Variants in MYO6 observed in about 807,000 individuals in gnomAD.
MYO6 encodes unconventional myosin-VI.
Under a neutral mutation model 178.7 loss-of-function variants are expected in MYO6, and 74 were observed. That is an observed-to-expected ratio of 0.41 (90% CI 0.34 to 0.50). The LOEUF (loss-of-function observed/expected upper bound fraction) is 0.50, where lower values mean the gene tolerates loss of function less well. Among genes scored for constraint, MYO6 ranks in the 20% least tolerant of loss-of-function variants. The pLI, the probability that MYO6 is intolerant of heterozygous loss-of-function variation, is 0.09. For synonymous variants in MYO6, 477 were observed against 504.6 expected, an observed-to-expected ratio of 0.95 and a Z score of 0.73; for missense variants, 1,330 against 1,547.4, an observed-to-expected ratio of 0.86 and a Z score of 2.36.
chr6:75,854,135 G>T (rs1017219739), intron 11 of MYO6, among the ~76,000 whole-genome samples: 1 of 152,066 alleles, frequency 6.6e-6, no homozygotes, highest in African/African-American at 2.4e-5. Context: ...GACCTGCCTG[G>T]CCACCTTCTG....
rs751985130 is a variant in MYO6 at position 75,848,417 on chromosome 6, A to G, written c.964A>G (p.Thr322Ala). The G allele has an allele frequency of 1.1e-5, 18 of 1,613,752 alleles. No individual in the cohort carries two copies. Among genetic ancestry groups the G allele is most frequent in the Non-Finnish European group, 9.3e-6 (11 of 1,179,834 alleles). ...CCATGGTGATTTTATTAGAATGTGC[A>G]CGGCTATGAAAAAAATTGGTTTGGA... The part of the protein sequence containing the change: ...DDHGDFIRMC[T>A]AMKKIGLDDE... Residue 322 changes from threonine to alanine, a missense_variant, in exon 11 of 35, where the codon ACG becomes GCG. Thr to Ala is a moderately conservative substitution (Grantham distance 58). Around this residue, in one of 3 missense-constraint regions of MYO6, gnomAD observed 613 missense variants for 816.8 expected, o/e 0.75. Transcript: ENST00000369977.
At chr6:75,832,814 C>A (rs767881103) in intron 5 of MYO6, 28 bp from the exon 6 acceptor site, 54 of 1,325,678 alleles carry the variant, frequency 4.1e-5, no homozygotes, top group Middle Eastern at 3.6e-4. Flanking sequence ...ATATATTGCT[C>A]ATCATTAATG....
chr6:75,863,785 A>G (rs889220161), intron 16 of MYO6, among the ~76,000 whole-genome samples: 2 of 151,806 alleles, frequency 1.3e-5, no homozygotes, highest in African/African-American at 4.8e-5. Flanking sequence ...TGCCCGGCTC[A>G]GAAGACCTGG....
chr6:75,785,740 A>G (rs570653147), intron 1 of MYO6, among the ~76,000 whole-genome samples: 3 of 151,376 alleles, frequency 2.0e-5, no homozygotes, highest in Non-Finnish European at 4.4e-5. Flanking sequence ...TGACCCACCT[A>G]TGTATAATTT....
At chr6:75,830,666 A>C in intron 5 of MYO6, 121 bp downstream of exon 5, 1 of 966,064 alleles carries the variant, frequency 1.0e-6, no homozygotes, top group Non-Finnish European at 1.6e-6. Context: ...GAGAAACTGT[A>C]TACCTCTTGG....
chr6:75,914,109 T>G lies in MYO6; in HGVS notation c.3486T>G (p.Ile1162Met). ...AAQIPARQRE[I>M]EMNRQQRFFR... ...AGATTCCTGCCAGGCAGCGGGAGAT[T>G]GAAATGAACCGACAGCAACGCTTCT... Residue 1162 changes from isoleucine (I) to methionine (M), a missense_variant, in exon 34 of 35, where the codon ATT becomes ATG. By Grantham distance (10) the Ile-to-Met change is conservative. This residue lies in a region of MYO6 where 601 missense variants were observed against 626.1 expected (regional missense o/e 0.96). Transcript: ENST00000369977. The G allele has an allele frequency of 6.2e-7, 1 of 1,614,086 alleles. No homozygotes were observed. Among genetic ancestry groups the G allele is most frequent in the Non-Finnish European group, 8.5e-7 (1 of 1,180,006 alleles).
intron 14 of MYO6, among the ~76,000 whole-genome samples, chr6:75,859,815 A>G (rs540713574): frequency 6.6e-6 from 1 of 152,072 alleles, no homozygotes; most frequent in East Asian, 1.9e-4. Context: ...ACGCGCCACC[A>G]TGGCCGGCTA....
chr6:75,813,956 G>A (rs754636170), intron 1 of MYO6, among the ~76,000 whole-genome samples: 1 of 152,112 alleles, frequency 6.6e-6, no homozygotes, highest in Non-Finnish European at 1.5e-5. Flanking sequence ...CCTCTCAAAC[G>A]GAGGGAAGGA....
chr6:75,766,000 C>T (rs1039962105), intron 1 of MYO6, among the ~76,000 whole-genome samples: 2 of 152,070 alleles, frequency 1.3e-5, no homozygotes, highest in Admixed American at 1.3e-4. Context: ...TGAACTTCAG[C>T]CTGGGCAACA....
intron 9 of MYO6, among the ~76,000 whole-genome samples, chr6:75,842,206 A>G (rs1316989041): frequency 3.3e-5 from 5 of 151,930 alleles, no homozygotes; most frequent in African/African-American, 9.7e-5. Context: ...ACACATGCAC[A>G]CACACACACA....
intron 1 of MYO6, among the ~76,000 whole-genome samples, chr6:75,784,310 G>T (rs1767289586): frequency 6.6e-6 from 1 of 151,896 alleles, no homozygotes; most frequent in Non-Finnish European, 1.5e-5. Context: ...TCCTGAATGG[G>T]GGAGACTTTA....
In MYO6 at chr6:75,815,280, G is replaced by A. The variant is rs1771106530; in HGVS notation, c.-47-2221G>A. Among the ~76,000 whole-genome samples the A allele has an allele frequency of 3.3e-5, 5 of 152,278 alleles. No individual in the cohort carries two copies. The South Asian group carries it at 1.0e-3, about 32-fold the overall frequency. The stretch of plus-strand genomic sequence containing the variant: ...AGGGATTGGGGATGATTTCGGGTTT[G>A]ATTTGAAGGAGTGCTGTTAGTGCCT... On this transcript the variant is annotated intron_variant, in intron 1 of 34. Transcript: ENST00000369977.
chr6:75,796,071 T>G (rs1030256859), intron 1 of MYO6, among the ~76,000 whole-genome samples: 15 of 152,246 alleles, frequency 9.9e-5, no homozygotes, highest in African/African-American at 3.4e-4. Flanking sequence ...ATTAAATTAC[T>G]TAATTCCTTG....
At chr6:75,780,827 A>C (rs1350473160) in intron 1 of MYO6, among the ~76,000 whole-genome samples, 1 of 149,572 alleles carries the variant, frequency 6.7e-6, no homozygotes, top group Non-Finnish European at 1.5e-5. Context: ...TTTTTTTTTG[A>C]GATAGAGTCT....
At chr6:75,812,077 G>A (rs1770750391) in intron 1 of MYO6, among the ~76,000 whole-genome samples, 1 of 152,020 alleles carries the variant, frequency 6.6e-6, no homozygotes, top group Non-Finnish European at 1.5e-5. Context: ...GGAGTGCAGT[G>A]GCACAATGAT....
chr6:75,809,441 A>G (rs1770443091), intron 1 of MYO6, among the ~76,000 whole-genome samples: 1 of 152,222 alleles, frequency 6.6e-6, no homozygotes, highest in Non-Finnish European at 1.5e-5. Context: ...TAAAATATTT[A>G]AAGAGGTTTA....
chr6:75,779,184 C>T (rs1228440331), intron 1 of MYO6, among the ~76,000 whole-genome samples: 1 of 151,928 alleles, frequency 6.6e-6, no homozygotes, highest in East Asian at 1.9e-4. Context: ...CAGGCACATG[C>T]CACTGTGCCT....
At chr6:75,868,318 T>C (rs1776862684) in intron 18 of MYO6, among the ~76,000 whole-genome samples, 1 of 151,872 alleles carries the variant, frequency 6.6e-6, no homozygotes, top group African/African-American at 2.4e-5. Flanking sequence ...TTTTTTTTAT[T>C]TGAGTATTCT....
intron 1 of MYO6, among the ~76,000 whole-genome samples, chr6:75,750,415 C>T (rs1358264216): frequency 6.6e-6 from 1 of 151,210 alleles, no homozygotes; most frequent in East Asian, 2.0e-4. Flanking sequence ...TACATCTTAC[C>T]TGGCATAAAG....
Sources: allele counts gnomAD v4.1 joint callset (sites outside exome capture counted in the v4.1 genomes callset), GRCh38; gene constraint gnomAD v4.1.1; regional missense constraint gnomAD v4.1.1; transcripts MANE v1.5; gene names NCBI Gene and HGNC (gene_info 2026-07-23, HGNC 2026-07-21).